The following FER variants were observed in gnomAD, a reference collection of about 807,000 sequenced individuals.
The protein encoded by FER is FER tyrosine kinase, also known as tyrosine-protein kinase Fer.
A neutral mutation model predicts 111.0 loss-of-function variants in FER; 63 were observed. The observed-to-expected ratio is 0.57, with a 90% confidence interval of 0.46 to 0.70. FER has a LOEUF of 0.70. FER is among the 30% of genes least tolerant of loss of function. The pLI is 0.00. For missense variants in FER, 914 were observed against 954.0 expected, an observed-to-expected ratio of 0.96 and a Z score of 0.55; for synonymous variants, 327 against 313.9, an observed-to-expected ratio of 1.04 and a Z score of -0.44.
At chr5:108,968,427 T>C (rs1356123199) in intron 13 of FER, among the ~76,000 whole-genome samples, 1 of 152,094 alleles carries the variant, frequency 6.6e-6, no homozygotes, top group Admixed American at 6.6e-5. Flanking sequence ...ATGTGAAGAA[T>C]GTACCCTTAA....
At chr5:109,150,339 T>G (rs1582267984) in intron 17 of FER, among the ~76,000 whole-genome samples, 1 of 152,266 alleles carries the variant, frequency 6.6e-6, no homozygotes, top group East Asian at 1.9e-4. Flanking sequence ...TACTTTCACT[T>G]CCTCTGGAGC....
intron 2 of FER, among the ~76,000 whole-genome samples, chr5:108,783,495 T>G (rs1252938739): frequency 1.3e-5 from 2 of 152,236 alleles, no homozygotes; most frequent in African/African-American, 2.4e-5. Flanking sequence ...ATGATTTTTC[T>G]TGGTTCTTGG....
chr5:108,911,081 C>G (rs1220180498), intron 10 of FER, among the ~76,000 whole-genome samples: 1 of 152,102 alleles, frequency 6.6e-6, no homozygotes, highest in Non-Finnish European at 1.5e-5. Flanking sequence ...AATTTACATT[C>G]CCACCAACAG....
At chr5:108,936,173 T>C (rs1581277167) in intron 10 of FER, among the ~76,000 whole-genome samples, 1 of 152,176 alleles carries the variant, frequency 6.6e-6, no homozygotes, top group East Asian at 1.9e-4. Context: ...TGGGGATTCA[T>C]TGGGAGCAAA....
intron 3 of FER, among the ~76,000 whole-genome samples, chr5:108,810,508 A>C (rs1032654190): frequency 6.6e-6 from 1 of 152,226 alleles, no homozygotes; most frequent in African/African-American, 2.4e-5. Context: ...GTGTCCACCA[A>C]GTGCTCAGAG....
intron 5 of FER, among the ~76,000 whole-genome samples, chr5:108,840,080 A>G (rs1448939747): frequency 6.6e-6 from 1 of 152,226 alleles, no homozygotes; most frequent in Admixed American, 6.5e-5. Flanking sequence ...TTCAACAAGT[A>G]TTAACCTTCT....
chr5:109,085,501 A>C (rs1440117049), intron 16 of FER, among the ~76,000 whole-genome samples: 1 of 149,324 alleles, frequency 6.7e-6, no homozygotes, highest in African/African-American at 2.5e-5. Flanking sequence ...GTGTACTCAT[A>C]ATTTTCTGCA....
At chr5:108,828,054 G>A (rs537005654) in intron 3 of FER, among the ~76,000 whole-genome samples, 93 of 151,026 alleles carry the variant, frequency 6.2e-4, no homozygotes, top group African/African-American at 2.2e-3. Context: ...TTTTTTTGTA[G>A]AGACACTGTC....
chr5:108,768,926 G>C (rs1752605722), intron 2 of FER, among the ~76,000 whole-genome samples: 2 of 151,892 alleles, frequency 1.3e-5, no homozygotes, highest in Non-Finnish European at 2.9e-5. Flanking sequence ...CTGGGTTCAA[G>C]CGATTCTCCT....
intron 8 of FER, among the ~76,000 whole-genome samples, chr5:108,878,570 T>C (rs1216871596): frequency 2.6e-5 from 4 of 152,198 alleles, no homozygotes; most frequent in African/African-American, 9.6e-5. Flanking sequence ...TTGTTATTTA[T>C]TGATGGGCAT....
At chr5:108,774,214 C>A (rs1357961529) in intron 2 of FER, among the ~76,000 whole-genome samples, 1 of 152,074 alleles carries the variant, frequency 6.6e-6, no homozygotes, top group Non-Finnish European at 1.5e-5. Context: ...CATCCATGTC[C>A]CTGTAAAAGA....
At chr5:108,870,137 T>TTTC (rs1417215117) in intron 6 of FER, among the ~76,000 whole-genome samples, 1 of 152,244 alleles carries the variant, frequency 6.6e-6, no homozygotes, top group East Asian at 1.9e-4. Context: ...CATATAATGG[T>TTTC]TTCTCATGGT....
intron 9 of FER, among the ~76,000 whole-genome samples, chr5:108,896,114 A>G (rs1749055090): frequency 6.6e-6 from 1 of 151,202 alleles, no homozygotes; most frequent in Non-Finnish European, 1.5e-5. Flanking sequence ...TTTCCACTTT[A>G]CCTTGTATGT....
At chr5:108,835,888 T>G in intron 5 of FER, 81 bp downstream of exon 5, 2 of 739,606 alleles carry the variant, frequency 2.7e-6, no homozygotes, top group South Asian at 4.0e-5. Context: ...AGTAGTGGAA[T>G]GATTCCATTT....
At chr5:109,081,896 G>C (rs1160846228) in intron 16 of FER, among the ~76,000 whole-genome samples, 1 of 151,764 alleles carries the variant, frequency 6.6e-6, no homozygotes, top group Non-Finnish European at 1.5e-5. Context: ...TTTCCTCCCA[G>C]TGAAGGAAGA....
In FER at chr5:109,032,904, CA is replaced by C. The variant is rs572728310; in HGVS notation, c.1657-4515del. Among the ~76,000 whole-genome samples the C allele has an allele frequency of 2.3e-4, 35 of 152,180 alleles. No homozygotes were observed. The East Asian group carries it at 6.2e-3, about 27-fold the overall frequency. On this transcript the variant is annotated intron_variant, in intron 13 of 19. Transcript: ENST00000281092. Reference sequence around the variant, plus strand: ...AGGAATTAACATAAAGAATAGAATCCAAATATTAACAAGTCAGGAGTCTAAG... The same window carrying C: ...AGGAATTAACATAAAGAATAGAATCCAATATTAACAAGTCAGGAGTCTAAG...
At chr5:108,895,570 C>T (rs1748960326) in intron 9 of FER, among the ~76,000 whole-genome samples, 1 of 152,188 alleles carries the variant, frequency 6.6e-6, no homozygotes, top group Non-Finnish European at 1.5e-5. Flanking sequence ...TCCATTGTCA[C>T]ATCACCTTTT....
intron 13 of FER, among the ~76,000 whole-genome samples, chr5:109,007,931 TTAAAA>T (rs1212237763): frequency 6.6e-6 from 1 of 152,184 alleles, no homozygotes; most frequent in African/African-American, 2.4e-5. Context: ...TTTTTTCAGT[TTAAAA>T]TAAATAAATT....
intron 16 of FER, among the ~76,000 whole-genome samples, chr5:109,058,617 A>G (rs1310580171): frequency 2.0e-5 from 3 of 151,916 alleles, no homozygotes; most frequent in Non-Finnish European, 4.4e-5. Context: ...AGTCTTATAC[A>G]AGTTATATAT....
Sources: gnomAD v4.1 joint callset for allele counts (sites outside exome capture counted in the v4.1 genomes callset) on GRCh38, gnomAD v4.1.1 for gene constraint, MANE v1.5 for transcripts, NCBI Gene and HGNC (gene_info 2026-07-23, HGNC 2026-07-21) for gene names.